The following ESR1 variants were observed in gnomAD, a reference collection of about 807,000 sequenced individuals.
ESR1 encodes estrogen receptor 1, also known as estrogen receptor.
A neutral mutation model predicts 52.7 loss-of-function variants in ESR1; 12 were observed. The observed-to-expected ratio is 0.23, with a 90% CI of 0.15 to 0.37. The LOEUF is 0.37. Among genes scored for constraint, ESR1 ranks in the 10% least tolerant of loss-of-function variants. The pLI, the probability that ESR1 is intolerant of heterozygous loss-of-function variation, is 1.00. For missense variants in ESR1, 584 were observed against 779.7 expected (o/e 0.75, Z 2.99); for synonymous variants, 305 against 316.8 (o/e 0.96, Z 0.39).
chr6:152,129,358 T>G (rs1386437471), exon 7 of ESR1: 1 of 152,206 alleles, frequency 6.6e-6, no homozygotes, highest in African/African-American at 2.4e-5. Context: ...TGTGGGGATA[T>G]TCTTCATCTC....
At chr6:151,833,182 C>A (rs1782731994) in intron 1 of ESR1, among the ~76,000 whole-genome samples, 1 of 152,082 alleles carries the variant, frequency 6.6e-6, no homozygotes, top group Admixed American at 6.6e-5. Context: ...ATAAAATTAA[C>A]CATCACAGGG....
rs2050989360 is a variant in ESR1 at position 152,102,412 on chromosome 6, A to C, written c.*3446A>C. ...ATAGTAATGTCTAATATTCACAGGC[A>C]GATCTGCTTGGGGAAGCTAGTTATG... On this transcript the variant is annotated 3_prime_UTR_variant, in exon 8 of 8. Transcript: ENST00000206249. 4.8e-6 allele frequency: 1 copy of C among 207,802 alleles called. No individual in the cohort carries two copies. The highest frequency in any genetic ancestry group is 2.3e-5 in the African/African-American group (1 of 43,976). 12.9% of individuals were successfully genotyped at this position (207,802 alleles called of 1,614,324 possible).
At chr6:151,863,241 C>T (rs1009499424) in intron 2 of ESR1, among the ~76,000 whole-genome samples, 1 of 152,078 alleles carries the variant, frequency 6.6e-6, no homozygotes, top group African/African-American at 2.4e-5. Flanking sequence ...GGCAGTATGG[C>T]CATTTTCACG....
intron 3 of ESR1, among the ~76,000 whole-genome samples, chr6:151,896,733 C>T (rs973276553): frequency 2.0e-5 from 3 of 151,256 alleles, no homozygotes; most frequent in Non-Finnish European, 2.9e-5. Flanking sequence ...CTTTGGGTTT[C>T]GTTTGTTTTT....
intron 5 of ESR1, among the ~76,000 whole-genome samples, chr6:152,043,365 A>G (rs2045961476): frequency 6.6e-6 from 1 of 152,196 alleles, no homozygotes; most frequent in African/African-American, 2.4e-5. Context: ...TCCTTCTACC[A>G]TTAGCCCACA....
At chr6:151,873,957 G>A (rs1791399976) in intron 2 of ESR1, among the ~76,000 whole-genome samples, 1 of 152,112 alleles carries the variant, frequency 6.6e-6, no homozygotes, top group South Asian at 2.1e-4. Context: ...CTACATTTAT[G>A]GGTCAATCGG....
chr6:152,037,085 T>G (rs1215633762), intron 5 of ESR1, among the ~76,000 whole-genome samples: 1 of 152,254 alleles, frequency 6.6e-6, no homozygotes, highest in East Asian at 1.9e-4. Context: ...CTTCAGTCCC[T>G]GCTTTACATT....
intron 6 of ESR1, among the ~76,000 whole-genome samples, chr6:152,123,885 C>A (rs1340278061): frequency 1.3e-5 from 2 of 152,150 alleles, no homozygotes; most frequent in Admixed American, 6.5e-5. Context: ...TCACCTATTA[C>A]CTATTAATTT....
chr6:151,677,159 GTTAGGCT>G (rs1222759874), intron 1 of ESR1, among the ~76,000 whole-genome samples: 1 of 152,294 alleles, frequency 6.6e-6, no homozygotes, highest in East Asian at 1.9e-4. Flanking sequence ...AAAAATTTGA[GTTAGGCT>G]TTAGAACATC....
At chr6:151,706,551 G>A (rs1403514784) in intron 2 of ESR1, among the ~76,000 whole-genome samples, 2 of 152,100 alleles carry the variant, frequency 1.3e-5, no homozygotes, top group African/African-American at 2.4e-5. Flanking sequence ...CTTGTTGGCG[G>A]GTCAGGTCTT....
At chr6:151,835,140 A>T (rs1223260441) in intron 1 of ESR1, among the ~76,000 whole-genome samples, 1 of 152,118 alleles carries the variant, frequency 6.6e-6, no homozygotes, top group Non-Finnish European at 1.5e-5. Context: ...AGGCACAGAG[A>T]ACAACATGCT....
intron 4 of ESR1, among the ~76,000 whole-genome samples, chr6:151,986,306 T>A (rs1344422001): frequency 6.6e-6 from 1 of 152,166 alleles, no homozygotes; most frequent in Non-Finnish European, 1.5e-5. Context: ...AAATTTGTGA[T>A]GAGCAAAATG....
At chr6:151,667,263 G>A (rs549400790) in intron 1 of ESR1, among the ~76,000 whole-genome samples, 28 of 151,588 alleles carry the variant, frequency 1.8e-4, no homozygotes, top group African/African-American at 6.3e-4. Flanking sequence ...ATTAAAAATT[G>A]TTTTTTATTA....
At chr6:152,081,354 A>G (rs906350814) in intron 6 of ESR1, among the ~76,000 whole-genome samples, 1 of 152,132 alleles carries the variant, frequency 6.6e-6, no homozygotes, top group Non-Finnish European at 1.5e-5. Flanking sequence ...TGGAAACTGA[A>G]CAACCTGCTC....
chr6:151,884,409 GT>G (rs1269547467), intron 3 of ESR1, among the ~76,000 whole-genome samples: 1 of 152,166 alleles, frequency 6.6e-6, no homozygotes, highest in African/African-American at 2.4e-5. Context: ...TTTACAACAT[GT>G]TTTCAACCAT....
intron 1 of ESR1, among the ~76,000 whole-genome samples, chr6:151,678,843 C>T (rs1778350783): frequency 6.6e-6 from 1 of 152,048 alleles, no homozygotes; most frequent in African/African-American, 2.4e-5. Flanking sequence ...CATGCCACCA[C>T]TCCTGGCTAA....
chr6:152,006,033 C>G (rs1011799523), intron 4 of ESR1, among the ~76,000 whole-genome samples: 3 of 151,988 alleles, frequency 2.0e-5, no homozygotes, highest in African/African-American at 7.2e-5. Flanking sequence ...GAGAGCTGCT[C>G]ACACCTCCTT....
intron 3 of ESR1, among the ~76,000 whole-genome samples, chr6:151,914,659 G>C (rs906679691): frequency 6.6e-6 from 1 of 152,130 alleles, no homozygotes; most frequent in Non-Finnish European, 1.5e-5. Context: ...CTAATCTTTT[G>C]TCAGTCCCTA....
At chr6:152,128,959 A>C (rs978380020) in exon 7 of ESR1, 1 of 152,260 alleles carries the variant, frequency 6.6e-6, no homozygotes, top group African/African-American at 2.4e-5. Flanking sequence ...TTTGCCATTC[A>C]GGTGAAGATT....
Sources: gnomAD v4.1 joint callset for allele counts (sites outside exome capture counted in the v4.1 genomes callset) on GRCh38, gnomAD v4.1.1 for gene constraint, MANE v1.5 for transcripts, NCBI Gene and HGNC (gene_info 2026-07-23, HGNC 2026-07-21) for gene names.